Variants in MROH2A observed in about 807,000 individuals in gnomAD.
The protein encoded by MROH2A is maestro heat like repeat family member 2A, also known as maestro heat-like repeat-containing protein family member 2A.
MROH2A carries 174 observed loss-of-function variants against 200.4 expected under a neutral mutation model. That is an observed-to-expected ratio of 0.87 (90% CI 0.77 to 0.98). The LOEUF (loss-of-function observed/expected upper bound fraction) is 0.98, where lower values mean the gene tolerates loss of function less well. Ranked by LOEUF, MROH2A falls within the 50% of genes least tolerant of loss-of-function variation. The pLI, the probability that MROH2A is intolerant of heterozygous loss-of-function variation, is 0.00. For missense variants in MROH2A, 2,045 were observed against 2,139.6 expected (o/e 0.96, Z 0.87); for synonymous variants, 829 against 840.4 (o/e 0.99, Z 0.23).
chr2:233,830,089 G>A (rs1176769560), intron 38 of MROH2A, among the ~76,000 whole-genome samples: 1 of 152,154 alleles, frequency 6.6e-6, no homozygotes, highest in Non-Finnish European at 1.5e-5. Flanking sequence ...TCTGTAACTG[G>A]CAGGTCACTT....
chr2:233,789,078 A>G (rs976006157), intron 3 of MROH2A, among the ~76,000 whole-genome samples: 3 of 151,420 alleles, frequency 2.0e-5, no homozygotes, highest in Non-Finnish European at 4.4e-5. Flanking sequence ...GGTCATTTTC[A>G]GTGGTGATAA....
At chr2:233,824,398 C>T (rs565951214) in intron 35 of MROH2A, among the ~76,000 whole-genome samples, 39 of 152,348 alleles carry the variant, frequency 2.6e-4, no homozygotes, top group African/African-American at 8.4e-4. Context: ...GGGAGGTACT[C>T]ACCAAGCTTT....
chr2:233,792,920 G>C, intron 6 of MROH2A, 26 bp downstream of exon 6: 2 of 1,549,730 alleles, frequency 1.3e-6, no homozygotes, highest in Non-Finnish European at 1.7e-6. Context: ...GAGCCTGCAG[G>C]TCTGGCTCGA....
Position 233,798,799 on chromosome 2 carries a change from C to G in MROH2A, c.1278C>G (p.Ile426Met). 6.4e-7 allele frequency: 1 copy of G among 1,550,536 alleles called. No homozygotes were observed. Among genetic ancestry groups the G allele is most frequent in the Non-Finnish European group, 8.7e-7 (1 of 1,146,954 alleles). Residue 426 changes from isoleucine (I) to methionine (M), a missense_variant, in exon 12 of 42, where the codon ATC becomes ATG. Coordinates refer to ENST00000389758, the MANE Select transcript of MROH2A (RefSeq NM_001394639.1). ...ADEPRMSIRA[I>M]YLAIRVVKNT... ...AGCCCAGGATGAGTATCAGGGCCAT[C>G]TACCTGGCTATCCGGGTAGTCAAGA...
At chr2:233,787,947 ATT>A (rs1559437282) in intron 3 of MROH2A, among the ~76,000 whole-genome samples, 8 of 66,588 alleles carry the variant, frequency 1.2e-4, no homozygotes, top group South Asian at 4.5e-4. Flanking sequence ...ATACATATAT[ATT>A]ATATATACAT....
chr2:233,824,170 A>C (rs7606893), intron 35 of MROH2A, among the ~76,000 whole-genome samples: 88,610 of 152,136 alleles, frequency 0.58, 28,174 homozygotes, highest in African/African-American at 0.86. Flanking sequence ...GTGGCCAACT[A>C]AGCTGTAGCA....
intron 26 of MROH2A, 65 bp from the exon 27 acceptor site, chr2:233,816,716 T>C (rs1703557320): frequency 9.0e-7 from 1 of 1,116,018 alleles, no homozygotes; most frequent in East Asian, 2.6e-5. Flanking sequence ...GGGCAAAAGC[T>C]GGCCAGGAAA....
Position 233,831,440 on chromosome 2 carries a change from A to C in MROH2A, c.4634A>C (p.His1545Pro). The change falls in exon 39 of 42, where the codon CAC becomes CCC. Residue 1545 changes from histidine to proline, a missense_variant. By Grantham distance (77) the His-to-Pro change is moderately conservative (BLOSUM62 -2). This residue lies in a region of MROH2A where 1,201 missense variants were observed against 1,311.3 expected (regional missense o/e 0.92). Transcript: ENST00000389758. ...ATGGCTACCATGTTTCAGTGTGTGC[A>C]CTTCTGGGGCTGGAAGTCCCTGGAG... ...ACMATMFQCV[H>P]FWGWKSLEHP... The C allele has an allele frequency of 6.5e-7, 1 of 1,550,366 alleles. No homozygotes were observed. The highest frequency in any genetic ancestry group is 8.7e-7 in the Non-Finnish European group (1 of 1,146,898).
chr2:233,823,514 G>A (rs760666180), intron 34 of MROH2A, 42 bp from the exon 35 acceptor site: 40 of 1,533,462 alleles, frequency 2.6e-5, no homozygotes, highest in Non-Finnish European at 3.3e-5. Context: ...TCAGGCAGGG[G>A]TGGGGCCGCC....
Position 233,807,870 on chromosome 2 carries a change from C to G in MROH2A, c.2295+15C>G, listed in dbSNP as rs1702908419. ...GTGCTTGGCGGGTAAGCCACCTTCCCTCCACAACTGGGTCTTGGGATCTCT... is the reference window on the plus strand; with the variant it reads ...GTGCTTGGCGGGTAAGCCACCTTCCGTCCACAACTGGGTCTTGGGATCTCT... On this transcript the variant is annotated intron_variant, in intron 21 of 41. Coordinates refer to ENST00000389758, the MANE Select transcript of MROH2A (RefSeq NM_001394639.1). The surrounding 1 kb of genome is among the most constrained non-coding windows in gnomAD (Gnocchi z 4.3). 6.4e-7 allele frequency: 1 copy of G among 1,550,854 alleles called. No individual in the cohort carries two copies. Among genetic ancestry groups the G allele is most frequent in the Non-Finnish European group, 8.7e-7 (1 of 1,147,086 alleles).
intron 13 of MROH2A, 135 bp from the exon 14 acceptor site, chr2:233,800,070 T>TA: frequency 9.0e-7 from 1 of 1,112,754 alleles, no homozygotes; most frequent in Admixed American, 2.3e-5. Flanking sequence ...GGGTCCTAGA[T>TA]ATATGCACAG....
At chr2:233,794,551 AT>A in intron 8 of MROH2A, 45 bp downstream of exon 8, 1 of 1,052,028 alleles carries the variant, frequency 9.5e-7, no homozygotes. Context: ...GGCTTAGGGA[AT>A]TGGGGGCTCC....
intron 3 of MROH2A, among the ~76,000 whole-genome samples, chr2:233,782,147 C>G (rs1254977732): frequency 1.3e-5 from 2 of 152,234 alleles, no homozygotes; most frequent in African/African-American, 4.8e-5. Flanking sequence ...ATTTTGAAAT[C>G]AGGTAGTATG....
At chr2:233,803,127 A>G (rs1702574270) in intron 15 of MROH2A, among the ~76,000 whole-genome samples, 1 of 152,194 alleles carries the variant, frequency 6.6e-6, no homozygotes, top group Admixed American at 6.5e-5. Flanking sequence ...TTTTGGCTCA[A>G]CAGAGGATGG....
intron 3 of MROH2A, 144 bp downstream of exon 3, chr2:233,779,996 C>T (rs1467591230): frequency 7.2e-6 from 5 of 698,876 alleles, no homozygotes; most frequent in Non-Finnish European, 1.2e-5. Context: ...GTGCTTACTC[C>T]CTGAGGACCA....
intron 10 of MROH2A, 59 bp from the exon 11 acceptor site, chr2:233,796,141 C>T: frequency 6.6e-7 from 1 of 1,516,814 alleles, no homozygotes. Context: ...CTGGGACTGC[C>T]TTGCTGGGCC....
At chr2:233,798,515 G>A (rs1702256760) in intron 11 of MROH2A, among the ~76,000 whole-genome samples, 1 of 152,230 alleles carries the variant, frequency 6.6e-6, no homozygotes, top group Non-Finnish European at 1.5e-5. Flanking sequence ...GAGCTCGTAG[G>A]CAGAGATCTT....
intron 39 of MROH2A, 64 bp downstream of exon 39, chr2:233,831,604 G>C (rs1704759202): frequency 1.3e-6 from 2 of 1,502,362 alleles, no homozygotes; most frequent in East Asian, 5.0e-5. Context: ...GGAGCTGGGG[G>C]GTCGAGATTG....
Position 233,816,631 on chromosome 2 carries a change from C to T in MROH2A, c.2857-150C>T, listed in dbSNP as rs552208247. ...GATGCTCTTTCCCTGCCTACAGCCT[C>T]ATCTCCCTTCATGATGGGGCCTGTC... On this transcript the variant is annotated intron_variant, in intron 26 of 41. Coordinates refer to ENST00000389758, the MANE Select transcript of MROH2A (RefSeq NM_001394639.1). 1.3e-4 allele frequency: 72 copies of T among 552,706 alleles called. No homozygotes were observed. In the East Asian group the frequency reaches 1.7e-3, roughly 13 times the overall value. The allele number at this position is 552,706 out of a possible 1,614,324, so 34.2% of individuals were successfully genotyped here.
Sources: allele counts gnomAD v4.1 joint callset (sites outside exome capture counted in the v4.1 genomes callset), GRCh38; gene constraint gnomAD v4.1.1; regional missense constraint gnomAD v4.1.1; non-coding constraint Gnocchi (gnomAD v3.1); transcripts MANE v1.5; gene names NCBI Gene and HGNC (gene_info 2026-07-23, HGNC 2026-07-21).